Variants in WDR41 observed in about 807,000 individuals in gnomAD.
WDR41 encodes WD repeat domain 41, also known as WD repeat-containing protein 41.
In WDR41, 63 loss-of-function variants were observed where a neutral mutation model predicts 69.3. That is an observed-to-expected ratio of 0.91 (90% CI 0.74 to 1.12). The LOEUF is 1.12. Among genes scored for constraint, WDR41 ranks in the 50% most tolerant of loss-of-function variants. The pLI, the probability that WDR41 is intolerant of heterozygous loss-of-function variation, is 0.00. For missense variants in WDR41, 543 were observed against 534.5 expected (o/e 1.02, Z -0.16); for synonymous variants, 185 against 192.1 (o/e 0.96, Z 0.31).
At chr5:77,516,818 A>G (rs1191262853) in intron 1 of WDR41, among the ~76,000 whole-genome samples, 2 of 152,142 alleles carry the variant, frequency 1.3e-5, no homozygotes, top group Admixed American at 6.5e-5. Flanking sequence ...GGAGATTGAG[A>G]CCATCCTGAT....
chr5:77,463,140 C>CAAAA lies in WDR41; in HGVS notation c.302_303insTTTT (p.Glu101AspfsTer13). On this transcript the variant is annotated frameshift_variant, in exon 4 of 13. Coordinates refer to ENST00000296679, the MANE Select transcript of WDR41 (RefSeq NM_018268.4). LOFTEE classifies it high-confidence loss of function. ...AGGCTGTCAAGATGAGTTGATTTTT[C>CAAAA]TCTTCACAAGATTCCAAGGAAGGAA... is the stretch of plus-strand genomic sequence containing the variant. 6.2e-7 allele frequency: 1 copy of CAAAA among 1,612,480 alleles called. No homozygotes were observed. Among genetic ancestry groups the CAAAA allele is most frequent in the African/African-American group, 1.3e-5 (1 of 74,912 alleles).
chr5:77,535,908 T>C (rs535661486), intron 1 of WDR41, among the ~76,000 whole-genome samples: 1 of 152,310 alleles, frequency 6.6e-6, no homozygotes, highest in African/African-American at 2.4e-5. Context: ...AAATTTACAG[T>C]GCATATTGTT....
At chr5:77,604,355 CT>C (rs1744376630) in intron 1 of WDR41, among the ~76,000 whole-genome samples, 1 of 152,032 alleles carries the variant, frequency 6.6e-6, no homozygotes, top group South Asian at 2.1e-4. Flanking sequence ...ATGGAATTGC[CT>C]TCTTGATTTC....
At chr5:77,586,452 G>A (rs1022188905) in intron 1 of WDR41, among the ~76,000 whole-genome samples, 1 of 152,038 alleles carries the variant, frequency 6.6e-6, no homozygotes, top group African/African-American at 2.4e-5. Flanking sequence ...AACTACAGGT[G>A]TGTGCCATCA....
intron 4 of WDR41, among the ~76,000 whole-genome samples, chr5:77,461,125 T>C (rs763311454): frequency 1.3e-5 from 2 of 152,192 alleles, no homozygotes; most frequent in East Asian, 1.9e-4. Context: ...AGTGGTCTAA[T>C]AGAGTATTTT....
At chr5:77,587,613 T>A (rs1744063971) in intron 1 of WDR41, among the ~76,000 whole-genome samples, 1 of 152,228 alleles carries the variant, frequency 6.6e-6, no homozygotes, top group African/African-American at 2.4e-5. Context: ...TGTTGAGCAC[T>A]GTTATGGACT....
chr5:77,437,553 TCA>T, intron 10 of WDR41, 129 bp from the exon 11 acceptor site: 1 of 825,788 alleles, frequency 1.2e-6, no homozygotes, highest in Non-Finnish European at 2.0e-6. Context: ...CTGACAAAAA[TCA>T]CAATTTAGCA....
chr5:77,609,001 T>C (rs1013852082), intron 1 of WDR41, among the ~76,000 whole-genome samples: 2 of 152,192 alleles, frequency 1.3e-5, no homozygotes, highest in Non-Finnish European at 2.9e-5. Flanking sequence ...CGGGAGATTA[T>C]ATCCCGCACC....
intron 1 of WDR41, among the ~76,000 whole-genome samples, chr5:77,527,710 A>G (rs903690919): frequency 1.3e-5 from 2 of 151,918 alleles, no homozygotes; most frequent in Non-Finnish European, 3.0e-5. Flanking sequence ...AGTCTCCACG[A>G]ATTTCAAAGA....
chr5:77,446,653 CTGACAAAAA>C, intron 8 of WDR41, among the ~76,000 whole-genome samples: 1 of 152,228 alleles, frequency 6.6e-6, no homozygotes, highest in East Asian at 1.9e-4. Context: ...TTCAACAAAC[CTGACAAAAA>C]CAAGCAATGG....
intron 1 of WDR41, among the ~76,000 whole-genome samples, chr5:77,614,066 C>A (rs1744623734): frequency 6.6e-6 from 1 of 152,128 alleles, no homozygotes; most frequent in African/African-American, 2.4e-5. Flanking sequence ...CACTGGCCAT[C>A]AGAGAAATGC....
At chr5:77,482,656 C>T (rs1581756190) in intron 2 of WDR41, among the ~76,000 whole-genome samples, 1 of 152,046 alleles carries the variant, frequency 6.6e-6, no homozygotes, top group Admixed American at 6.6e-5. Flanking sequence ...TTGTATACTC[C>T]ATCCGGAAAT....
chr5:77,497,859 A>C (rs1017921677), intron 1 of WDR41, among the ~76,000 whole-genome samples: 3 of 152,238 alleles, frequency 2.0e-5, no homozygotes, highest in African/African-American at 7.2e-5. Flanking sequence ...CCATCCACAG[A>C]TGAATGGATA....
chr5:77,570,025 A>G (rs1448646752), intron 1 of WDR41, among the ~76,000 whole-genome samples: 3 of 152,178 alleles, frequency 2.0e-5, no homozygotes, highest in Non-Finnish European at 4.4e-5. Flanking sequence ...CATGTACGTC[A>G]AGACAATTAT....
At chr5:77,576,831 C>T (rs1743844481) in intron 1 of WDR41, among the ~76,000 whole-genome samples, 1 of 152,190 alleles carries the variant, frequency 6.6e-6, no homozygotes, top group African/African-American at 2.4e-5. Context: ...AATAACGTCA[C>T]TCTCAGACCA....
At chr5:77,562,602 C>G (rs1350139887) in intron 1 of WDR41, among the ~76,000 whole-genome samples, 1 of 152,106 alleles carries the variant, frequency 6.6e-6, no homozygotes, top group Non-Finnish European at 1.5e-5. Context: ...CTTTTTCCTT[C>G]TAACACAAAA....
intron 2 of WDR41, among the ~76,000 whole-genome samples, chr5:77,472,271 T>C (rs1006735436): frequency 2.0e-5 from 3 of 152,130 alleles, no homozygotes; most frequent in African/African-American, 7.2e-5. Context: ...ATGGGACATA[T>C]CTCAAACTAA....
intron 1 of WDR41, among the ~76,000 whole-genome samples, chr5:77,578,864 CAAA>C (rs55920763): frequency 0.23 from 17,386 of 76,660 alleles, 805 homozygotes; most frequent in Non-Finnish European, 0.24. Context: ...AACTCCATCT[CAAA>C]AAAAAAAAAA....
chr5:77,608,863 C>T (rs933220975), intron 1 of WDR41, among the ~76,000 whole-genome samples: 3 of 152,062 alleles, frequency 2.0e-5, no homozygotes, highest in Non-Finnish European at 2.9e-5. Context: ...TTGCCTCACT[C>T]GGGAAGCACA....
Sources: gnomAD v4.1 joint callset for allele counts (sites outside exome capture counted in the v4.1 genomes callset) on GRCh38, gnomAD v4.1.1 for gene constraint, MANE v1.5 for transcripts, NCBI Gene and HGNC (gene_info 2026-07-23, HGNC 2026-07-21) for gene names.